CSNK2A2IP: variants seen among roughly 807,000 people sequenced by gnomAD.
CSNK2A2IP encodes the protein casein kinase II subunit alpha'-interacting protein.
At chr3:88,458,086 G>A in the CSNK2A2IP span, among the ~76,000 whole-genome samples, 1 of 149,240 alleles carries the variant, frequency 6.7e-6, no homozygotes. Flanking sequence ...AATATCAGTA[G>A]TGTGTAGTGT....
At chr3:88,429,959 C>A in the CSNK2A2IP span, among the ~76,000 whole-genome samples, 3 of 150,536 alleles carry the variant, frequency 2.0e-5, no homozygotes, top group African/African-American at 7.3e-5. Flanking sequence ...GAAGGGGTTT[C>A]ACCATGTTAG....
chr3:88,373,604 A>T, the CSNK2A2IP span, among the ~76,000 whole-genome samples: 1 of 1,920 alleles, frequency 5.2e-4, no homozygotes, highest in Admixed American at 0.026. Context: ...TAATGAAAGT[A>T]AAAAAAAAAA....
the CSNK2A2IP span, among the ~76,000 whole-genome samples, chr3:88,428,724 C>A: frequency 0.036 from 5,539 of 152,058 alleles, 212 homozygotes; most frequent in East Asian, 0.21. Context: ...GCTGAATATG[C>A]AACTGTTTAG....
the CSNK2A2IP span, among the ~76,000 whole-genome samples, chr3:88,395,104 C>CACTCAT: frequency 1.3e-5 from 2 of 152,186 alleles, no homozygotes; most frequent in Non-Finnish European, 2.9e-5. Flanking sequence ...TAAGTATACA[C>CACTCAT]ACTCATACTC....
At chr3:88,351,610 T>G in the CSNK2A2IP span, among the ~76,000 whole-genome samples, 3 of 152,082 alleles carry the variant, frequency 2.0e-5, no homozygotes, top group Non-Finnish European at 4.4e-5. Context: ...GTATACTGTC[T>G]AATAAAAAAT....
the CSNK2A2IP span, among the ~76,000 whole-genome samples, chr3:88,356,070 C>T: frequency 6.6e-6 from 1 of 151,948 alleles, no homozygotes; most frequent in Non-Finnish European, 1.5e-5. Context: ...ACACCTTAAA[C>T]ATTTGTCATT....
the CSNK2A2IP span, among the ~76,000 whole-genome samples, chr3:88,403,914 G>A: frequency 6.6e-6 from 1 of 152,002 alleles, no homozygotes; most frequent in Non-Finnish European, 1.5e-5. Context: ...AGGGCTGCTG[G>A]GTATGACACA....
chr3:88,407,227 G>A, the CSNK2A2IP span, among the ~76,000 whole-genome samples: 3 of 148,016 alleles, frequency 2.0e-5, no homozygotes, highest in African/African-American at 7.5e-5. Flanking sequence ...GGTATTACCT[G>A]GCATTGTGCA....
chr3:88,444,694 C>G, the CSNK2A2IP span, among the ~76,000 whole-genome samples: 3 of 152,084 alleles, frequency 2.0e-5, no homozygotes, highest in African/African-American at 7.2e-5. Flanking sequence ...TCATTTCAGA[C>G]GGCTAGGGGT....
chr3:88,408,698 A>G, the CSNK2A2IP span, among the ~76,000 whole-genome samples: 1 of 151,974 alleles, frequency 6.6e-6, no homozygotes, highest in East Asian at 1.9e-4. Context: ...TTGCCCATTG[A>G]AAGGGGGGCC....
the CSNK2A2IP span, among the ~76,000 whole-genome samples, chr3:88,395,490 C>G: frequency 6.6e-6 from 1 of 152,190 alleles, no homozygotes; most frequent in African/African-American, 2.4e-5. Context: ...ACCTGTACAT[C>G]TAATTTAGAA....
the CSNK2A2IP span, among the ~76,000 whole-genome samples, chr3:88,439,140 C>A: frequency 6.6e-6 from 1 of 152,156 alleles, no homozygotes; most frequent in African/African-American, 2.4e-5. Flanking sequence ...TTCAAATTTC[C>A]TCAATTTCCA....
At chr3:88,363,817 C>T in the CSNK2A2IP span, among the ~76,000 whole-genome samples, 2 of 152,130 alleles carry the variant, frequency 1.3e-5, no homozygotes, top group African/African-American at 4.8e-5. Context: ...GAGTATTCCA[C>T]CAAATCACCT....
the CSNK2A2IP span, among the ~76,000 whole-genome samples, chr3:88,389,754 C>T: frequency 6.7e-6 from 1 of 150,188 alleles, no homozygotes; most frequent in South Asian, 2.1e-4. Flanking sequence ...ACAGAGCCAA[C>T]AGTGGCAATG....
the CSNK2A2IP span, among the ~76,000 whole-genome samples, chr3:88,447,836 G>T: frequency 1.1e-3 from 168 of 152,032 alleles, no homozygotes; most frequent in Non-Finnish European, 1.8e-3. Context: ...CTATTTCTAT[G>T]TTTCATAGAA....
At chr3:88,439,362 C>T in the CSNK2A2IP span, among the ~76,000 whole-genome samples, 1 of 151,958 alleles carries the variant, frequency 6.6e-6, no homozygotes, top group African/African-American at 2.4e-5. Context: ...AATAAAACAA[C>T]AAAAAATGTA....
the CSNK2A2IP span, among the ~76,000 whole-genome samples, chr3:88,409,004 C>T: frequency 3.9e-5 from 6 of 152,188 alleles, no homozygotes; most frequent in East Asian, 3.9e-4. Context: ...GTTGCTATTA[C>T]GTGGCTGCAA....
At chr3:88,448,841 G>A in the CSNK2A2IP span, among the ~76,000 whole-genome samples, 13 of 152,188 alleles carry the variant, frequency 8.5e-5, no homozygotes, top group African/African-American at 2.7e-4. Context: ...TGACTTCATA[G>A]GTGAGTAAGA....
At chr3:88,339,878 T>A in the CSNK2A2IP span, among the ~76,000 whole-genome samples, 1 of 152,024 alleles carries the variant, frequency 6.6e-6, no homozygotes, top group Admixed American at 6.6e-5. Flanking sequence ...TAAGACCTAT[T>A]GAAGTAGTTT....
Sources: allele counts gnomAD v4.1 joint callset (sites outside exome capture counted in the v4.1 genomes callset), GRCh38; gene constraint gnomAD v4.1.1; transcripts MANE v1.5; gene names NCBI Gene and HGNC (gene_info 2026-07-23, HGNC 2026-07-21).